Variants in SEMA6A observed in about 807,000 individuals in gnomAD.
The protein encoded by SEMA6A is semaphorin 6A.
In SEMA6A, 25 loss-of-function variants were observed where a neutral mutation model predicts 96.8. That is an observed-to-expected ratio of 0.26 (90% confidence interval 0.19 to 0.36). The LOEUF is 0.36. SEMA6A is among the 10% of genes least tolerant of loss of function. The pLI, the probability that SEMA6A is intolerant of heterozygous loss-of-function variation, is 1.00. For synonymous variants in SEMA6A, 612 were observed against 518.0 expected, an observed-to-expected ratio of 1.18 and a Z score of -2.46; for missense variants, 1,363 against 1,323.1, an observed-to-expected ratio of 1.03 and a Z score of -0.47.
intron 1 of SEMA6A, among the ~76,000 whole-genome samples, chr5:116,523,300 T>A (rs1759048164): frequency 6.6e-6 from 1 of 152,110 alleles, no homozygotes; most frequent in Non-Finnish European, 1.5e-5. Context: ...AAGGTCTTAC[T>A]GGGGTGGGAG....
At chr5:116,467,395 G>C (rs1755825114) in intron 18 of SEMA6A, among the ~76,000 whole-genome samples, 188 bp downstream of exon 18, 1 of 152,074 alleles carries the variant, frequency 6.6e-6, no homozygotes, top group Non-Finnish European at 1.5e-5. Flanking sequence ...TTTTTCCTTG[G>C]TCAGAGAATA....
chr5:116,480,898 G>A (rs544660900), intron 11 of SEMA6A, among the ~76,000 whole-genome samples: 21 of 152,232 alleles, frequency 1.4e-4, no homozygotes, highest in Admixed American at 4.6e-4. Flanking sequence ...ATTGAATGAC[G>A]ACCATAAAAA....
chr5:116,537,265 G>A (rs116722606), intron 1 of SEMA6A, among the ~76,000 whole-genome samples: 192 of 152,354 alleles, frequency 1.3e-3, no homozygotes, highest in African/African-American at 4.3e-3. Context: ...TGGGAAGGAT[G>A]TGTGAACTAA....
intron 18 of SEMA6A, among the ~76,000 whole-genome samples, chr5:116,464,283 G>C (rs1580385926): frequency 6.6e-6 from 1 of 152,118 alleles, no homozygotes; most frequent in Admixed American, 6.5e-5. Context: ...TAAAGGGCTC[G>C]CTCTAGAGGC....
chr5:116,504,741 T>C (rs970988859), intron 2 of SEMA6A, 104 bp downstream of exon 2: 5 of 868,402 alleles, frequency 5.8e-6, no homozygotes, highest in Admixed American at 2.2e-5. Context: ...AGAGGACTAA[T>C]AAGTCACCTA....
At chr5:116,514,296 C>T (rs6594969) in intron 1 of SEMA6A, among the ~76,000 whole-genome samples, 50,839 of 151,930 alleles carry the variant, frequency 0.33, 9,166 homozygotes, top group African/African-American at 0.47. Context: ...TAGTATCTGT[C>T]GTTTTTTTAC....
rs781364928 is a variant in SEMA6A, at chr5:116,446,890, GTGT to G, written c.2813_2815del (p.Asn938del). On this transcript the variant is annotated inframe_deletion, in exon 19 of 19. Coordinates refer to ENST00000343348, the MANE Select transcript of SEMA6A (RefSeq NM_020796.5). ...GAGGTGAGAGGAATTGGAGGAGTTA[GTGT>G]TGTTTCTTTTGAGAGTGGTGGCCTG... The G allele has an allele frequency of 7.4e-6, 12 of 1,613,978 alleles. No homozygotes were observed. The South Asian group carries it at 1.3e-4, about 18-fold the overall frequency.
chr5:116,519,826 T>C (rs1246265908), intron 1 of SEMA6A, among the ~76,000 whole-genome samples: 1 of 152,204 alleles, frequency 6.6e-6, no homozygotes, highest in African/African-American at 2.4e-5. Flanking sequence ...CCCTATGTTC[T>C]ACCTACAATC....
intron 18 of SEMA6A, among the ~76,000 whole-genome samples, chr5:116,463,462 C>CGATT (rs1216983019): frequency 6.6e-6 from 1 of 152,186 alleles, no homozygotes; most frequent in Non-Finnish European, 1.5e-5. Flanking sequence ...CAATACTAAT[C>CGATT]ATCTTTATAG....
chr5:116,489,029 GT>G (rs1757202727), intron 7 of SEMA6A, 22 bp from the exon 8 acceptor site: 1 of 1,550,358 alleles, frequency 6.5e-7, no homozygotes, highest in Non-Finnish European at 8.7e-7. Context: ...AAGAAAAGAG[GT>G]GAACAGGGTG....
At chr5:116,563,661 C>T (rs2112910258) in intron 1 of SEMA6A, among the ~76,000 whole-genome samples, 1 of 152,212 alleles carries the variant, frequency 6.6e-6, no homozygotes, top group South Asian at 2.1e-4. Flanking sequence ...AACCCGACAC[C>T]CAAGAGTAAT....
Position 116,558,709 on chromosome 5 carries a change from G to A in SEMA6A, c.-39+15476C>T, listed in dbSNP as rs1398539483. Among the ~76,000 whole-genome samples the A allele has an allele frequency of 3.2e-3, 33 of 10,376 alleles. 11 individuals carry two copies. The highest frequency in any genetic ancestry group is 5.8e-3 in the African/African-American group (31 of 5,312). The allele number at this position is 10,376 out of a possible 152,430, so 6.8% of individuals were successfully genotyped here. On this transcript the variant is annotated intron_variant, in intron 1 of 18. Transcript: ENST00000343348. ...GATCTCCTGACCTCATGATCCACCC[G>A]CCTCGGCCTCCCAAAGTGCTGGGAT...
intron 1 of SEMA6A, among the ~76,000 whole-genome samples, chr5:116,525,531 A>T (rs892324398): frequency 6.6e-6 from 1 of 152,122 alleles, no homozygotes; most frequent in Non-Finnish European, 1.5e-5. Flanking sequence ...TTGTTTCCTA[A>T]AAACATTTTC....
chr5:116,562,798 T>A, intron 1 of SEMA6A: 1 of 726,896 alleles, frequency 1.4e-6, no homozygotes, highest in Non-Finnish European at 2.6e-6. Flanking sequence ...CTGCCCAGGA[T>A]ATGGCTCAGA....
chr5:116,509,120 T>G (rs932899591), intron 1 of SEMA6A, among the ~76,000 whole-genome samples: 3 of 152,250 alleles, frequency 2.0e-5, no homozygotes, highest in African/African-American at 7.2e-5. Flanking sequence ...AGGACTTGAC[T>G]GTATGAATAC....
chr5:116,516,512 A>G (rs1442699158), intron 1 of SEMA6A, among the ~76,000 whole-genome samples: 1 of 152,098 alleles, frequency 6.6e-6, no homozygotes, highest in African/African-American at 2.4e-5. Flanking sequence ...GAAAATTACT[A>G]ATATCTTTAT....
intron 11 of SEMA6A, among the ~76,000 whole-genome samples, chr5:116,481,137 C>T (rs1394569944): frequency 2.0e-5 from 3 of 152,110 alleles, no homozygotes; most frequent in Middle Eastern, 3.2e-3. Context: ...GCAAGAGGGA[C>T]GAGGCAGGCA....
At chr5:116,529,755 C>T (rs1464630725) in intron 1 of SEMA6A, among the ~76,000 whole-genome samples, 1 of 152,106 alleles carries the variant, frequency 6.6e-6, no homozygotes, top group Non-Finnish European at 1.5e-5. Context: ...AAACCAAATA[C>T]TGCATGTTCT....
intron 1 of SEMA6A, among the ~76,000 whole-genome samples, chr5:116,552,599 G>C (rs1426627392): frequency 6.6e-6 from 1 of 152,184 alleles, no homozygotes; most frequent in African/African-American, 2.4e-5. Flanking sequence ...TAAGCGGCCC[G>C]GGCAGTATGA....
Sources: gnomAD v4.1 joint callset for allele counts (sites outside exome capture counted in the v4.1 genomes callset) on GRCh38, gnomAD v4.1.1 for gene constraint, MANE v1.5 for transcripts, NCBI Gene and HGNC (gene_info 2026-07-23, HGNC 2026-07-21) for gene names.